PKP1: variants seen among roughly 807,000 people sequenced by gnomAD.
PKP1 encodes the protein plakophilin-1.
Under a neutral mutation model 76.4 loss-of-function variants are expected in PKP1, and 27 were observed. The ratio of observed to expected loss-of-function variants is 0.35; its 90% CI spans 0.26 to 0.49. The LOEUF (loss-of-function observed/expected upper bound fraction) is 0.49. Ranked by LOEUF, PKP1 falls within the 20% of genes least tolerant of loss-of-function variation. The pLI, the probability that PKP1 is intolerant of heterozygous loss-of-function variation, is 0.99. For synonymous variants in PKP1, 404 were observed against 384.2 expected (o/e 1.05, Z -0.60); for missense variants, 964 against 955.2 (o/e 1.01, Z -0.12).
At position 201,312,452 on chromosome 1, in the gene PKP1, C is replaced by T. The variant is rs946959166; in HGVS notation, c.307-714C>T. 6.6e-5 allele frequency among the ~76,000 whole-genome samples: 10 copies of T among 152,326 alleles called. No individual in the cohort carries two copies. In the East Asian group the frequency reaches 1.9e-3, roughly 29 times the overall value. On this transcript the variant is annotated intron_variant, in intron 2 of 13. Coordinates refer to ENST00000367324, the MANE Select transcript of PKP1 (RefSeq NM_001005337.3). ...TCACCGAGTGACTACTAGAAGGTCA[C>T]TCTTCTCTGGGCCTCCAACTCCCCC...
At chr1:201,324,121 G>C (rs533901163) in intron 9 of PKP1, among the ~76,000 whole-genome samples, 14 of 152,304 alleles carry the variant, frequency 9.2e-5, no homozygotes, top group African/African-American at 3.1e-4. Flanking sequence ...AGTGGGGTGA[G>C]AGAGCAGCAT....
At chr1:201,306,806 C>G (rs899472266) in intron 2 of PKP1, among the ~76,000 whole-genome samples, 1 of 151,818 alleles carries the variant, frequency 6.6e-6, no homozygotes, top group Non-Finnish European at 1.5e-5. Flanking sequence ...TCCCGAGTAG[C>G]TGGGACTATA....
intron 7 of PKP1, among the ~76,000 whole-genome samples, chr1:201,320,985 A>G (rs1257725399): frequency 6.6e-6 from 1 of 152,200 alleles, no homozygotes; most frequent in African/African-American, 2.4e-5. Context: ...AGAAAGAAAA[A>G]AAGTTGTGGA....
Position 201,313,201 on chromosome 1 carries a change from C to T in PKP1, c.342C>T (p.Asn114=), listed in dbSNP as rs1164396793. 1 of 1,607,134 alleles carries T rather than the reference C, an allele frequency of 6.2e-7. No homozygotes were observed. The highest frequency in any genetic ancestry group is 2.2e-5 in the East Asian group (1 of 44,722). Residue 114 remains asparagine, a synonymous_variant, in exon 3 of 14, where the codon AAC becomes AAT. Transcript: ENST00000367324. ...YNGTLKREPD[N]RRFSSYSQME... ...GAACCCTCAAGCGGGAGCCTGACAA[C>T]AGGCGCTTCAGCTCCTACAGCCAGA...
At chr1:201,319,702 T>C in intron 6 of PKP1, 1 of 1,029,054 alleles carries the variant, frequency 9.7e-7, no homozygotes, top group Non-Finnish European at 1.5e-6. Flanking sequence ...GGAGTGAGCC[T>C]ACTGCTGGGG....
At chr1:201,327,612 C>G (rs1424423717) in intron 12 of PKP1, among the ~76,000 whole-genome samples, 1 of 151,796 alleles carries the variant, frequency 6.6e-6, no homozygotes, top group African/African-American at 2.4e-5. Context: ...AACACAGAGT[C>G]CACCCCCGGC....
At chr1:201,323,602 A>G (rs2102184484) in intron 9 of PKP1, among the ~76,000 whole-genome samples, 1 of 152,292 alleles carries the variant, frequency 6.6e-6, no homozygotes, top group African/African-American at 2.4e-5. Flanking sequence ...ATGTGACAGA[A>G]TCCGTGCAGA....
In PKP1 at chr1:201,317,744, G is replaced by T; in HGVS notation, c.1019G>T (p.Arg340Ile). The change falls in exon 5 of 14, where the codon AGA becomes ATA. Residue 340 changes from arginine (R) to isoleucine (I), a missense_variant. Coordinates refer to ENST00000367324, the MANE Select transcript of PKP1 (RefSeq NM_001005337.3). Reference protein sequence around the residue: ...GIREAVSLLRRTGNAEIQKQL... With the variant: ...GIREAVSLLRITGNAEIQKQL... Reference sequence around the variant, plus strand: ...CGCGAGGCAGTCAGCCTCCTGAGGAGAACCGGGAACGCCGAGATCCAGAAG... The same window carrying T: ...CGCGAGGCAGTCAGCCTCCTGAGGATAACCGGGAACGCCGAGATCCAGAAG... 2 of 1,613,850 alleles carry T rather than the reference G, an allele frequency of 1.2e-6. No individual in the cohort carries two copies. Among genetic ancestry groups the T allele is most frequent in the Non-Finnish European group, 1.7e-6 (2 of 1,179,922 alleles).
intron 1 of PKP1, among the ~76,000 whole-genome samples, chr1:201,284,332 C>G (rs928683235): frequency 6.6e-6 from 1 of 152,262 alleles, no homozygotes; most frequent in African/African-American, 2.4e-5. Context: ...GGTCCCCGCG[C>G]TCGCAAACGG....
At chr1:201,290,822 G>A (rs1655895563) in intron 1 of PKP1, among the ~76,000 whole-genome samples, 1 of 152,204 alleles carries the variant, frequency 6.6e-6, no homozygotes, top group Admixed American at 6.5e-5. Context: ...GTGGAGACTT[G>A]TACGGGCGTG....
Position 201,307,898 on chromosome 1 carries a change from A to T in PKP1, c.307-5268A>T, listed in dbSNP as rs146305523. ...GCCTTGGGAGATCACGCTGCTGAAGATGGCCCTGTTGGACACTGCTGGGTG... is the reference window on the plus strand; with the variant it reads ...GCCTTGGGAGATCACGCTGCTGAAGTTGGCCCTGTTGGACACTGCTGGGTG... On this transcript the variant is annotated intron_variant, in intron 2 of 13. Transcript: ENST00000367324. Among the ~76,000 whole-genome samples, 808 of 152,312 alleles carry T rather than the reference A, an allele frequency of 5.3e-3. 7 individuals are homozygous for T. The highest frequency in any genetic ancestry group is 0.018 in the African/African-American group (748 of 41,570).
Position 201,283,615 on chromosome 1 carries a change from C to A in PKP1, c.-88C>A. On this transcript the variant is annotated 5_prime_UTR_variant, in exon 1 of 14. Coordinates refer to ENST00000367324, the MANE Select transcript of PKP1 (RefSeq NM_001005337.3). ...AGGGAGCCGCTGAGAGCGAGAAGAGCACGCTCCTGCCCGCCCGCTGCACCG... is the reference window on the plus strand; with the variant it reads ...AGGGAGCCGCTGAGAGCGAGAAGAGAACGCTCCTGCCCGCCCGCTGCACCG... 1 of 1,171,204 alleles carries A rather than the reference C, an allele frequency of 8.5e-7. No individual in the cohort carries two copies. Among genetic ancestry groups the A allele is most frequent in the Non-Finnish European group, 1.2e-6 (1 of 804,136 alleles). 72.6% of individuals were successfully genotyped at this position (1,171,204 alleles called of 1,614,324 possible).
chr1:201,311,676 C>T (rs1271032020), intron 2 of PKP1, among the ~76,000 whole-genome samples: 1 of 149,842 alleles, frequency 6.7e-6, no homozygotes. Flanking sequence ...ACGACCTCCC[C>T]TACACACACA....
At chr1:201,326,693 G>A (rs1054532962) in intron 12 of PKP1, among the ~76,000 whole-genome samples, 1 of 152,206 alleles carries the variant, frequency 6.6e-6, no homozygotes, top group African/African-American at 2.4e-5. Flanking sequence ...AGTCCAGGCT[G>A]GAGGTGGTGT....
At chr1:201,288,481 A>G (rs832172) in intron 1 of PKP1, among the ~76,000 whole-genome samples, 97,958 of 152,154 alleles carry the variant, frequency 0.64, 35,468 homozygotes, top group East Asian at 0.91. Context: ...TGAGTATGAA[A>G]GATGGCACGG....
rs770728579 is a variant in PKP1 at position 201,322,084 on chromosome 1, C to G, written c.1454C>G (p.Thr485Ser). ...QLEYNARNAY[T>S]EKSSTGCFSN... The stretch of plus-strand genomic sequence containing the variant: ...GAGTATAACGCCCGCAACGCCTACA[C>G]CGAGAAGTCCTCCACTGGCTGCTTC... The change falls in exon 8 of 14, where the codon ACC becomes AGC. Residue 485 changes from threonine (T) to serine (S), a missense_variant. Thr to Ser is a moderately conservative substitution (Grantham distance 58). Coordinates refer to ENST00000367324, the MANE Select transcript of PKP1 (RefSeq NM_001005337.3). 3.7e-6 allele frequency: 6 copies of G among 1,613,204 alleles called. No homozygotes were observed. The highest frequency in any genetic ancestry group is 5.1e-6 in the Non-Finnish European group (6 of 1,180,036).
Position 201,328,778 on chromosome 1 carries a change from A to G in PKP1, c.2123A>G (p.Asn708Ser). 1.2e-6 allele frequency: 2 copies of G among 1,614,166 alleles called. No individual in the cohort carries two copies. Among genetic ancestry groups the G allele is most frequent in the East Asian group, 2.2e-5 (1 of 44,888 alleles). ...CCTTTGCAGCAAGGTTTCGATAGGA[A>G]CATGCTGGGAACCTTAGCTGGGGCC... ...GVLRQQGFDR[N>S]MLGTLAGANS... Residue 708 changes from asparagine to serine, a missense_variant, in exon 13 of 14, where the codon AAC (asparagine) becomes AGC (serine). Physicochemically the swap from Asn to Ser is conservative, Grantham distance 46. Coordinates refer to ENST00000367324, the MANE Select transcript of PKP1 (RefSeq NM_001005337.3).
chr1:201,316,818 T>G, intron 4 of PKP1, 121 bp downstream of exon 4: 1 of 1,077,690 alleles, frequency 9.3e-7, no homozygotes, highest in East Asian at 2.5e-5. Flanking sequence ...CTTGCCCAGC[T>G]GCCAGGAGCC....
In PKP1 at chr1:201,323,001, C is replaced by G; in HGVS notation, c.1504-12C>G. On this transcript the variant is annotated splice_polypyrimidine_tract_variant and intron_variant, in intron 8 of 13. Coordinates refer to ENST00000367324, the MANE Select transcript of PKP1 (RefSeq NM_001005337.3). ...TCCCCATTGACCCCCCTGACCGGCT[C>G]TTTATCCTCAGAACAACAACTATGA... is the stretch of plus-strand genomic sequence containing the variant. 2 of 1,613,806 alleles carry G rather than the reference C, an allele frequency of 1.2e-6. No individual in the cohort carries two copies. The highest frequency in any genetic ancestry group is 1.7e-6 in the Non-Finnish European group (2 of 1,179,850).
Sources: gnomAD v4.1 joint callset for allele counts (sites outside exome capture counted in the v4.1 genomes callset) on GRCh38, gnomAD v4.1.1 for gene constraint, MANE v1.5 for transcripts, NCBI Gene and HGNC (gene_info 2026-07-23, HGNC 2026-07-21) for gene names.